The following TRHDE variants were observed in gnomAD, a reference collection of about 807,000 sequenced individuals.
TRHDE encodes thyrotropin releasing hormone degrading enzyme.
In TRHDE, 72 loss-of-function variants were observed where a neutral mutation model predicts 125.7. The observed-to-expected ratio is 0.57, with a 90% CI of 0.47 to 0.70. The LOEUF (loss-of-function observed/expected upper bound fraction) is 0.70, where lower values mean the gene tolerates loss of function less well. Among genes scored for constraint, TRHDE ranks in the 30% least tolerant of loss-of-function variants. The pLI is 0.00. For missense variants in TRHDE, 1,110 were observed against 1,327.1 expected (o/e 0.84, Z 2.54); for synonymous variants, 509 against 509.1 (o/e 1.00, Z 0.00).
At chr12:72,532,200 A>C (rs765554549) in intron 6 of TRHDE, among the ~76,000 whole-genome samples, 12 of 151,884 alleles carry the variant, frequency 7.9e-5, no homozygotes, top group Non-Finnish European at 1.6e-4. Context: ...CCTTTTGAGA[A>C]TAAGACTCAA....
At chr12:72,629,833 T>C (rs1873406866) in intron 15 of TRHDE, among the ~76,000 whole-genome samples, 1 of 151,502 alleles carries the variant, frequency 6.6e-6, no homozygotes, top group South Asian at 2.1e-4. Flanking sequence ...AACACTAATA[T>C]TTCCTTTTTG....
At chr12:72,370,747 ATTT>A (rs879850160) in intron 2 of TRHDE, among the ~76,000 whole-genome samples, 1 of 144,448 alleles carries the variant, frequency 6.9e-6, no homozygotes, top group Non-Finnish European at 1.5e-5. Context: ...TGTTAATGTT[ATTT>A]TTTTTTTTTT....
chr12:72,564,653 ATTTTTTTTTTTTTTTT>A (rs538823843), intron 9 of TRHDE, among the ~76,000 whole-genome samples: 2 of 54,276 alleles, frequency 3.7e-5, no homozygotes, highest in African/African-American at 6.7e-5. Flanking sequence ...ATGCGTATGA[ATTTTTTTTTTTTTTTT>A]TTTTTTTTTT....
At chr12:72,269,692 G>A (rs2139400851), upstream of TRHDE, among the ~76,000 whole-genome samples, 1 of 152,240 alleles carries the variant, frequency 6.6e-6, no homozygotes, top group South Asian at 2.1e-4. Flanking sequence ...CACTGTTTGA[G>A]AGCACAGTAG....
chr12:72,304,282 A>G (rs765634340), intron 2 of TRHDE, among the ~76,000 whole-genome samples: 26 of 152,164 alleles, frequency 1.7e-4, no homozygotes, highest in Admixed American at 4.6e-4. Context: ...ATATTACTGT[A>G]TATTTTGAAT....
intron 2 of TRHDE, among the ~76,000 whole-genome samples, chr12:72,177,056 G>A (rs1334152149): frequency 6.6e-6 from 1 of 152,034 alleles, no homozygotes; most frequent in Admixed American, 6.6e-5. Flanking sequence ...CAATTCAAGT[G>A]ACTGGCCTTA....
At chr12:72,314,063 C>T (rs967404004) in intron 2 of TRHDE, among the ~76,000 whole-genome samples, 2 of 152,132 alleles carry the variant, frequency 1.3e-5, no homozygotes, top group African/African-American at 4.8e-5. Context: ...ATGTTTCTGA[C>T]CCAGGGGTCT....
chr12:72,272,610 CAGAGGGGGCGGG>C lies in TRHDE; in HGVS notation c.-33_-22del. ...CGGGTGGCCCGCCCGCGGGGGGTGCCAGAGGGGGCGGGGGAGGAGGAGGAGGCGGTGTGATGG... is the reference window on the plus strand; with the variant it reads ...CGGGTGGCCCGCCCGCGGGGGGTGCCGGAGGAGGAGGAGGCGGTGTGATGG... On this transcript the variant is annotated 5_prime_UTR_variant, in exon 1 of 19. Transcript: ENST00000261180. This position sits in a 1 kb window ranked among gnomAD's most constrained non-coding sequence, Gnocchi z 6.7. The C allele has an allele frequency of 1.2e-6, 1 of 864,070 alleles. No homozygotes were observed. The highest frequency in any genetic ancestry group is 1.7e-6 in the Non-Finnish European group (1 of 591,664). 53.5% of individuals were successfully genotyped at this position (864,070 alleles called of 1,614,324 possible). A position where few individuals can be genotyped will look rare whatever the true frequency, so the allele number is the denominator to read the frequency against.
chr12:72,337,744 A>G (rs967133446), intron 2 of TRHDE, among the ~76,000 whole-genome samples: 1 of 151,776 alleles, frequency 6.6e-6, no homozygotes, highest in Non-Finnish European at 1.5e-5. Context: ...GTCTAGATTC[A>G]CTGCTGCCTC....
chr12:72,253,725 TTGC>T, intron 2 of TRHDE: 1 of 152,180 alleles, frequency 6.6e-6, no homozygotes, highest in Admixed American at 6.5e-5. Context: ...TATCCCTAAC[TTGC>T]TGAGAGTTTT....
At chr12:72,213,298 A>G (rs1877821680) in intron 2 of TRHDE, among the ~76,000 whole-genome samples, 1 of 151,724 alleles carries the variant, frequency 6.6e-6, no homozygotes, top group Non-Finnish European at 1.5e-5. Context: ...CTGCAAATAT[A>G]CTAAAAACAT....
At chr12:72,364,729 C>T (rs1156235867) in intron 2 of TRHDE, among the ~76,000 whole-genome samples, 2 of 151,970 alleles carry the variant, frequency 1.3e-5, no homozygotes, top group Non-Finnish European at 2.9e-5. Context: ...AGATGGCATT[C>T]GTCAAAGTGA....
chr12:72,606,138 G>A (rs1872432654), intron 12 of TRHDE, among the ~76,000 whole-genome samples: 2 of 152,098 alleles, frequency 1.3e-5, no homozygotes, highest in South Asian at 4.1e-4. Context: ...GACTTTGGAG[G>A]GTTGTGATAC....
chr12:72,290,608 G>A (rs1294552185), intron 2 of TRHDE, among the ~76,000 whole-genome samples: 1 of 152,192 alleles, frequency 6.6e-6, no homozygotes, highest in Admixed American at 6.5e-5. Context: ...AAAGCAGGAT[G>A]TTTGGGGTGT....
intron 9 of TRHDE, among the ~76,000 whole-genome samples, chr12:72,567,487 T>A (rs1030894531): frequency 1.3e-5 from 2 of 151,958 alleles, no homozygotes; most frequent in Non-Finnish European, 2.9e-5. Flanking sequence ...AAACATGGAA[T>A]AATAAAATAG....
intron 2 of TRHDE, among the ~76,000 whole-genome samples, chr12:72,242,162 T>C (rs1462537453): frequency 6.6e-6 from 1 of 152,228 alleles, no homozygotes; most frequent in Non-Finnish European, 1.5e-5. Flanking sequence ...CATCAATTTT[T>C]AAATAGATTG....
intron 2 of TRHDE, among the ~76,000 whole-genome samples, chr12:72,310,071 A>G (rs972894939): frequency 2.6e-5 from 4 of 152,192 alleles, no homozygotes; most frequent in Non-Finnish European, 1.5e-5. Context: ...CACAAGAATA[A>G]TGGAAGATGC....
At chr12:72,342,787 C>T (rs932897270) in intron 2 of TRHDE, among the ~76,000 whole-genome samples, 1 of 152,042 alleles carries the variant, frequency 6.6e-6, no homozygotes, top group African/African-American at 2.4e-5. Flanking sequence ...AGACAGGAAC[C>T]TTGGATGGAG....
chr12:72,262,050 A>G (rs889132166), intron 2 of TRHDE, among the ~76,000 whole-genome samples: 13 of 152,200 alleles, frequency 8.5e-5, no homozygotes, highest in African/African-American at 2.9e-4. Flanking sequence ...GAAGATCAGC[A>G]GCTGTCCATC....
Sources: allele counts gnomAD v4.1 joint callset (sites outside exome capture counted in the v4.1 genomes callset), GRCh38; gene constraint gnomAD v4.1.1; non-coding constraint Gnocchi (gnomAD v3.1); transcripts MANE v1.5; gene names NCBI Gene and HGNC (gene_info 2026-07-23, HGNC 2026-07-21).